Variants in EPS15 observed in about 807,000 individuals in gnomAD.
The protein encoded by EPS15 is epidermal growth factor receptor pathway substrate 15.
EPS15 carries 72 observed loss-of-function variants against 113.8 expected under a neutral mutation model. The observed-to-expected ratio is 0.63, with a 90% confidence interval of 0.52 to 0.77. The LOEUF is 0.77. EPS15 is among the 30% of genes least tolerant of loss of function. The pLI, the probability that EPS15 is intolerant of heterozygous loss-of-function variation, is 0.00. For missense variants in EPS15, 1,048 were observed against 1,045.8 expected (o/e 1.00, Z -0.03); for synonymous variants, 344 against 363.4 (o/e 0.95, Z 0.61).
chr1:51,367,890 G>T lies in EPS15; in HGVS notation c.2120-1861C>A, dbSNP rs527733449. Among the ~76,000 whole-genome samples the T allele has an allele frequency of 7.8e-4, 119 of 152,338 alleles. 1 individual carries two copies. Among genetic ancestry groups the T allele is most frequent in the African/African-American group, 2.8e-3 (115 of 41,570 alleles). On this transcript the variant is annotated intron_variant, in intron 21 of 24. Transcript: ENST00000371733. ...CTCACGCCTGTAATCCCGGCACTTT[G>T]GGAGGCCGAGGCGGGCAGATCACCT... is the stretch of plus-strand genomic sequence containing the variant.
intron 11 of EPS15, among the ~76,000 whole-genome samples, chr1:51,444,678 T>C (rs926781869): frequency 2.6e-5 from 4 of 152,212 alleles, no homozygotes; most frequent in African/African-American, 9.7e-5. Context: ...TTGTCATGTT[T>C]AATGAATGGG....
rs1181151202 is a variant in EPS15 at position 51,358,699 on chromosome 1, G to GTTTTTTTT, written c.2545-1861_2545-1854dup. ...TTCAAGACTCCTTCCAACCAGATTTGTTTTTTTTTGTTTTTTTTTTTTTTT... is the reference window on the plus strand; with the variant it reads ...TTCAAGACTCCTTCCAACCAGATTTGTTTTTTTTTTTTTTTTTGTTTTTTTTTTTTTTT... On this transcript the variant is annotated intron_variant, in intron 24 of 24. Coordinates refer to ENST00000371733, the MANE Select transcript of EPS15 (RefSeq NM_001981.3). Among the ~76,000 whole-genome samples the GTTTTTTTT allele has an allele frequency of 5.4e-4, 70 of 129,332 alleles. 1 individual carries two copies. Among genetic ancestry groups the GTTTTTTTT allele is most frequent in the African/African-American group, 1.9e-3 (65 of 34,352 alleles). 84.8% of individuals were successfully genotyped at this position (129,332 alleles called of 152,430 possible). A position where few individuals can be genotyped will look rare whatever the true frequency, so the allele number is the denominator to read the frequency against.
At chr1:51,471,168 C>T (rs749289299) in intron 4 of EPS15, among the ~76,000 whole-genome samples, 1 of 152,154 alleles carries the variant, frequency 6.6e-6, no homozygotes, top group Non-Finnish European at 1.5e-5. Context: ...AAATCCATCC[C>T]CAACAATCAG....
intron 8 of EPS15, among the ~76,000 whole-genome samples, chr1:51,455,889 G>T (rs1570344712): frequency 6.6e-6 from 1 of 151,766 alleles, no homozygotes; most frequent in East Asian, 1.9e-4. Flanking sequence ...AGTCATTTTA[G>T]TTGTGGCCAG....
intron 21 of EPS15, among the ~76,000 whole-genome samples, chr1:51,366,553 C>G (rs1646512359): frequency 6.6e-6 from 1 of 151,918 alleles, no homozygotes. Context: ...AAAGTAATAG[C>G]AAATAAAGTA....
At chr1:51,496,343 T>C (rs180882988) in intron 1 of EPS15, among the ~76,000 whole-genome samples, 8 of 152,304 alleles carry the variant, frequency 5.3e-5, no homozygotes, top group Admixed American at 2.0e-4. Context: ...ATTATCGTAC[T>C]AAGCTCTTTC....
intron 21 of EPS15, chr1:51,372,914 C>G: frequency 1.3e-6 from 1 of 770,296 alleles, no homozygotes; most frequent in South Asian, 1.6e-5. Context: ...CACAGGCAAG[C>G]TGCCAATCAA....
chr1:51,515,040 A>G (rs1420180090), intron 1 of EPS15, among the ~76,000 whole-genome samples: 1 of 152,230 alleles, frequency 6.6e-6, no homozygotes, highest in Admixed American at 6.5e-5. Context: ...TATGTTTATT[A>G]GCACTTGTAC....
chr1:51,397,478 T>C (rs915036930), intron 20 of EPS15, among the ~76,000 whole-genome samples: 21 of 152,190 alleles, frequency 1.4e-4, no homozygotes, highest in Admixed American at 3.3e-4. Context: ...TTTAGCTTTC[T>C]TGCTCTTTAG....
chr1:51,517,878 A>AT lies in EPS15; in HGVS notation c.33+1320dup, dbSNP rs1274949093. The stretch of plus-strand genomic sequence containing the variant: ...CGTGACTCCTGGTTTCTGAGAAAAC[A>AT]TTTTTTTCTCTCTATCCTACAGTGC... On this transcript the variant is annotated intron_variant, in intron 1 of 24. Transcript: ENST00000371733. Among the ~76,000 whole-genome samples the AT allele has an allele frequency of 4.6e-5, 7 of 152,094 alleles. No individual in the cohort carries two copies. In the East Asian group the frequency reaches 1.2e-3, roughly 25 times the overall value.
chr1:51,422,475 C>T (rs1650849396), intron 12 of EPS15, among the ~76,000 whole-genome samples: 1 of 152,148 alleles, frequency 6.6e-6, no homozygotes, highest in African/African-American at 2.4e-5. Flanking sequence ...AATATACAAA[C>T]AGTATATATA....
chr1:51,401,201 T>G, intron 18 of EPS15: 1 of 344,654 alleles, frequency 2.9e-6, no homozygotes, highest in Non-Finnish European at 5.2e-6. Flanking sequence ...ACAAAATCTC[T>G]ACTCTCCACA....
At chr1:51,381,147 T>C (rs1160249075) in intron 21 of EPS15, among the ~76,000 whole-genome samples, 1 of 150,596 alleles carries the variant, frequency 6.6e-6, no homozygotes. Context: ...ACACTTTAGA[T>C]CAACTGGACC....
chr1:51,372,935 A>T, intron 21 of EPS15: 3 of 665,658 alleles, frequency 4.5e-6, no homozygotes, highest in Non-Finnish European at 6.9e-6. Flanking sequence ...CCACCAGATC[A>T]TTAGCTGCAG....
chr1:51,481,200 T>C, intron 2 of EPS15, 73 bp downstream of exon 2: 1 of 799,344 alleles, frequency 1.3e-6, no homozygotes, highest in Non-Finnish European at 2.2e-6. Context: ...GCTGGTAATC[T>C]ACAGGCATAC....
intron 12 of EPS15, 36 bp downstream of exon 12, chr1:51,440,310 TG>T: frequency 1.3e-6 from 1 of 761,908 alleles, no homozygotes. Flanking sequence ...TGTGTGTGTG[TG>T]TGTATGTGAG....
At chr1:51,510,904 C>T (rs1644607558) in intron 1 of EPS15, among the ~76,000 whole-genome samples, 1 of 152,162 alleles carries the variant, frequency 6.6e-6, no homozygotes, top group African/African-American at 2.4e-5. Flanking sequence ...ATGGCTCACG[C>T]CTGTAATCCC....
chr1:51,436,750 C>T (rs982903389), intron 12 of EPS15, among the ~76,000 whole-genome samples: 18 of 152,056 alleles, frequency 1.2e-4, no homozygotes, highest in African/African-American at 3.4e-4. Flanking sequence ...ATTCAACAGA[C>T]ATTTCAAAGG....
chr1:51,463,211 CA>C (rs1654608051), intron 7 of EPS15: 1 of 152,196 alleles, frequency 6.6e-6, no homozygotes, highest in African/African-American at 2.4e-5. Flanking sequence ...TAAAACCAGT[CA>C]AAGAATTAGT....
Sources: gnomAD v4.1 joint callset for allele counts (sites outside exome capture counted in the v4.1 genomes callset) on GRCh38, gnomAD v4.1.1 for gene constraint, MANE v1.5 for transcripts, NCBI Gene and HGNC (gene_info 2026-07-23, HGNC 2026-07-21) for gene names.